CBR4: variants seen among roughly 807,000 people sequenced by gnomAD.
The protein encoded by CBR4 is 3-oxoacyl-[acyl-carrier-protein] reductase.
CBR4 carries 22 observed loss-of-function variants against 21.0 expected under a neutral mutation model. The observed-to-expected ratio is 1.05, with a 90% CI of 0.75 to 1.50. The LOEUF (loss-of-function observed/expected upper bound fraction) is 1.50. Ranked by LOEUF, CBR4 falls within the 40% of genes most tolerant of loss-of-function variation. CBR4 has a pLI of 0.00. For missense variants in CBR4, 302 were observed against 286.3 expected, an observed-to-expected ratio of 1.05 and a Z score of -0.40; for synonymous variants, 100 against 104.4, an observed-to-expected ratio of 0.96 and a Z score of 0.26.
intron 1 of CBR4, chr4:169,009,052 G>A (rs141450789): frequency 1.2e-3 from 425 of 360,150 alleles, no homozygotes; most frequent in Non-Finnish European, 1.9e-3. Context: ...ATAATGGGAA[G>A]CCCTCTCAAA....
At chr4:168,930,688 G>C (rs1762950205) in intron 2 of CBR4, among the ~76,000 whole-genome samples, 1 of 152,142 alleles carries the variant, frequency 6.6e-6, no homozygotes, top group African/African-American at 2.4e-5. Flanking sequence ...AGGCAGCATG[G>C]AGACACCTTG....
At position 168,956,234 on chromosome 4, in the gene CBR4, CAT is replaced by C. The variant is rs771417395; in HGVS notation, n.169+45835_169+45836del. Among the ~76,000 whole-genome samples, 31 of 152,082 alleles carry C rather than the reference CAT, an allele frequency of 2.0e-4. 1 individual carries two copies. Among genetic ancestry groups the C allele is most frequent in the South Asian group, 1.0e-3 (5 of 4,818 alleles). ...AAGTGGAAAAGACTGGAATACGAAA[CAT>C]AATGCTTCCAGCACTGGGAGGACCC... On this transcript the variant is annotated intron_variant and non_coding_transcript_variant, in intron 2 of 3. Transcript: ENST00000509108.
At position 168,948,316 on chromosome 4, in the gene CBR4, G is replaced by T. The variant is rs548729254; in HGVS notation, n.170-53551C>A. On this transcript the variant is annotated intron_variant and non_coding_transcript_variant, in intron 2 of 3. Transcript: ENST00000509108. ...TGTGAAGATTTTCTCCCACTCTGTG[G>T]GTTGTCTGTTTAGTCTGCTGACTGT... 2.2e-4 allele frequency among the ~76,000 whole-genome samples: 33 copies of T among 152,226 alleles called. No individual in the cohort carries two copies. In the East Asian group the frequency reaches 4.4e-3, roughly 20 times the overall value.
intron 2 of CBR4, among the ~76,000 whole-genome samples, chr4:168,951,350 C>G (rs1763535602): frequency 1.3e-5 from 2 of 152,196 alleles, no homozygotes; most frequent in African/African-American, 4.8e-5. Flanking sequence ...GCCACTGCAC[C>G]TGGCCAGTTC....
intron 2 of CBR4, chr4:168,915,789 G>A: frequency 1.2e-6 from 1 of 859,208 alleles, no homozygotes; most frequent in Non-Finnish European, 1.9e-6. Flanking sequence ...GATCAGATAA[G>A]GAAATCATAT....
chr4:168,896,501 T>C (rs1164033368), intron 2 of CBR4: 2 of 1,082,186 alleles, frequency 1.8e-6, no homozygotes, highest in East Asian at 2.6e-5. Flanking sequence ...TGCTGCATTC[T>C]TATTATTTCT....
intron 2 of CBR4, among the ~76,000 whole-genome samples, chr4:168,924,067 C>T (rs1357937154): frequency 1.3e-5 from 2 of 152,036 alleles, no homozygotes; most frequent in South Asian, 4.1e-4. Flanking sequence ...AATAAATGAG[C>T]GGAATGAAGT....
chr4:168,900,417 A>G (rs1756249670), intron 2 of CBR4, among the ~76,000 whole-genome samples: 1 of 152,252 alleles, frequency 6.6e-6, no homozygotes. Context: ...AATGGAAACT[A>G]TAATGAAAGA....
At chr4:168,964,664 G>A (rs1156731793) in intron 2 of CBR4, among the ~76,000 whole-genome samples, 1 of 152,164 alleles carries the variant, frequency 6.6e-6, no homozygotes, top group Non-Finnish European at 1.5e-5. Flanking sequence ...TGGAGGAGAG[G>A]ACAAGGAAAA....
intron 2 of CBR4, chr4:168,927,449 TAGTG>T (rs1433680247): frequency 2.6e-5 from 6 of 232,706 alleles, no homozygotes; most frequent in African/African-American, 1.3e-4. Flanking sequence ...GTTTGTGTAG[TAGTG>T]GAAGATTTTA....
At chr4:168,982,397 T>A (rs936775908) in intron 2 of CBR4, among the ~76,000 whole-genome samples, 1 of 152,058 alleles carries the variant, frequency 6.6e-6, no homozygotes, top group East Asian at 1.9e-4. Context: ...GCAGTCAACA[T>A]TGGAGCACCC....
intron 2 of CBR4, among the ~76,000 whole-genome samples, chr4:168,897,343 T>C (rs6553263): frequency 0.67 from 101,865 of 152,186 alleles, 35,998 homozygotes; most frequent in East Asian, 0.96. Flanking sequence ...ACCAACAAAC[T>C]TGTTTTTTAA....
chr4:168,911,712 A>G (rs1758991210), intron 2 of CBR4, among the ~76,000 whole-genome samples: 1 of 152,206 alleles, frequency 6.6e-6, no homozygotes, highest in East Asian at 1.9e-4. Flanking sequence ...GTTTGCCAAG[A>G]GTTTAGCATA....
chr4:168,998,151 T>G (rs939549977), intron 4 of CBR4, among the ~76,000 whole-genome samples: 12 of 152,308 alleles, frequency 7.9e-5, no homozygotes, highest in African/African-American at 2.9e-4. Context: ...ACTTAAGGTA[T>G]CCTGTAGAAA....
At chr4:168,983,433 C>T (rs1223316960), downstream of CBR4, among the ~76,000 whole-genome samples, 1 of 151,916 alleles carries the variant, frequency 6.6e-6, no homozygotes, top group African/African-American at 2.4e-5. Context: ...ATCCTACCAG[C>T]TAGAAAAAGC....
rs527407228 is a variant in CBR4 at position 168,951,308 on chromosome 4, C to T, written n.169+50763G>A. 2.3e-4 allele frequency among the ~76,000 whole-genome samples: 35 copies of T among 152,264 alleles called. 1 individual carries two copies. In the South Asian group the frequency reaches 2.9e-3, roughly 13 times the overall value. On this transcript the variant is annotated intron_variant and non_coding_transcript_variant, in intron 2 of 3. Coordinates refer to the CBR4 transcript ENST00000509108. ...TCTTGACCTCGTGATCCACCCGCCT[C>T]GGCCTCCCAAATGCTGGGATTACAG...
intron 2 of CBR4, among the ~76,000 whole-genome samples, chr4:168,919,331 C>T (rs1289096915): frequency 6.6e-6 from 1 of 152,048 alleles, no homozygotes; most frequent in Non-Finnish European, 1.5e-5. Flanking sequence ...CGAGACCAGC[C>T]TGGCCAACAT....
chr4:168,978,993 A>G (rs1764458067), intron 2 of CBR4, among the ~76,000 whole-genome samples: 1 of 151,432 alleles, frequency 6.6e-6, no homozygotes, highest in Admixed American at 6.6e-5. Context: ...CCCCACCCCA[A>G]CTGCTATCAG....
At chr4:169,009,779 G>A (rs912165605) in intron 1 of CBR4, among the ~76,000 whole-genome samples, 169 bp downstream of exon 1, 1 of 152,258 alleles carries the variant, frequency 6.6e-6, no homozygotes, top group Non-Finnish European at 1.5e-5. Flanking sequence ...GAGATCGCGG[G>A]TTTCTGCACG....
Sources: gnomAD v4.1 joint callset for allele counts (sites outside exome capture counted in the v4.1 genomes callset) on GRCh38, gnomAD v4.1.1 for gene constraint, MANE v1.5 for transcripts, NCBI Gene and HGNC (gene_info 2026-07-23, HGNC 2026-07-21) for gene names.